The following HPX variants were observed in gnomAD, a reference collection of about 807,000 sequenced individuals.
HPX encodes beta-1B-glycoprotein.
HPX carries 42 observed loss-of-function variants against 53.8 expected under a neutral mutation model. The observed-to-expected ratio is 0.78, with a 90% confidence interval of 0.61 to 1.01. The LOEUF is 1.01. Ranked by LOEUF, HPX falls within the 50% of genes least tolerant of loss-of-function variation. The pLI is 0.00. For missense variants in HPX, 547 were observed against 594.3 expected (o/e 0.92, Z 0.83); for synonymous variants, 229 against 221.1 (o/e 1.04, Z -0.32).
In HPX at chr11:6,440,213, A is replaced by G. The variant is rs368566605; in HGVS notation, c.288T>C (p.Pro96=). The G allele has an allele frequency of 6.2e-7, 1 of 1,614,104 alleles. No individual in the cohort carries two copies. The highest frequency in any genetic ancestry group is 8.5e-7 in the Non-Finnish European group (1 of 1,180,016). The change falls in exon 4 of 10, where the codon CCT becomes CCC. Residue 96 remains proline, a synonymous_variant. Transcript: ENST00000265983. ...ISERWKNFPS[P]VDAAFRQGHN... ...GACCTTGACGGAATGCAGCATCCACAGGGCTGGGGAAATTCTTCCATCTCT... is the reference window on the plus strand; with the variant it reads ...GACCTTGACGGAATGCAGCATCCACGGGGCTGGGGAAATTCTTCCATCTCT...
chr11:6,439,660 C>A (rs535920745), intron 4 of HPX: 23 of 183,574 alleles, frequency 1.3e-4, no homozygotes, highest in Non-Finnish European at 2.7e-4. Flanking sequence ...GGAGGGAAAA[C>A]AAAGCCGACA....
intron 7 of HPX, among the ~76,000 whole-genome samples, chr11:6,436,761 G>A (rs184095442): frequency 4.6e-5 from 7 of 152,330 alleles, no homozygotes; most frequent in Admixed American, 3.9e-4. Flanking sequence ...AGGGCATTGA[G>A]CAAGGAGAAC....
At chr11:6,434,216 C>T (rs1211382273) in intron 7 of HPX, among the ~76,000 whole-genome samples, 1 of 152,178 alleles carries the variant, frequency 6.6e-6, no homozygotes, top group Non-Finnish European at 1.5e-5. Context: ...CTTGCTGCTA[C>T]CACAAGTTCT....
intron 4 of HPX, 125 bp downstream of exon 4, chr11:6,440,040 G>T: frequency 8.0e-7 from 1 of 1,242,368 alleles, no homozygotes; most frequent in Non-Finnish European, 1.2e-6. Flanking sequence ...CAGGAAAGGA[G>T]GGCACATGGG....
rs1849460744 is a variant in HPX at position 6,439,749 on chromosome 11, G to T, written c.336+416C>A. On this transcript the variant is annotated intron_variant, in intron 4 of 9. Coordinates refer to ENST00000265983, the MANE Select transcript of HPX (RefSeq NM_000613.3). Reference sequence around the variant, plus strand: ...CTTCCTCTGAGCAGACACAGCCTGGGTCACATGGGACTTGGTGAGCACAGC... The same window carrying T: ...CTTCCTCTGAGCAGACACAGCCTGGTTCACATGGGACTTGGTGAGCACAGC... The T allele has an allele frequency of 1.6e-5, 4 of 242,752 alleles. No homozygotes were observed. The South Asian group carries it at 1.9e-4, about 12-fold the overall frequency. 15.0% of individuals were successfully genotyped at this position (242,752 alleles called of 1,614,324 possible).
chr11:6,431,208 C>A lies in HPX; in HGVS notation c.*3G>T, dbSNP rs77660779. 4,124 of 1,614,040 alleles carry A rather than the reference C, an allele frequency of 2.6e-3. 95 individuals are homozygous for A. The African/African-American group carries it at 0.046, about 18-fold the overall frequency. Reference sequence around the variant, plus strand: ...CCAGGCCAGACTCATGTCAGAAGGCCCCTCAGTGAGTGCAGCCCAGGAGAC... The same window carrying A: ...CCAGGCCAGACTCATGTCAGAAGGCACCTCAGTGAGTGCAGCCCAGGAGAC... On this transcript the variant is annotated 3_prime_UTR_variant, in exon 10 of 10. Transcript: ENST00000265983.
rs770296804 is a variant in HPX at position 6,440,547 on chromosome 11, G to C, written c.143-9C>G. 20 of 1,322,714 alleles carry C rather than the reference G, an allele frequency of 1.5e-5. No homozygotes were observed. The African/African-American group carries it at 2.9e-4, about 19-fold the overall frequency. The allele number at this position is 1,322,714 out of a possible 1,614,324, so 81.9% of individuals were successfully genotyped here. A position where few individuals can be genotyped will look rare whatever the true frequency, so the allele number is the denominator to read the frequency against. On this transcript the variant is annotated splice_polypyrimidine_tract_variant and intron_variant, in intron 2 of 9. Coordinates refer to ENST00000265983, the MANE Select transcript of HPX (RefSeq NM_000613.3). ...GCCATCTGAGCAGCGTTCTGGGGTGGAGGTAGGGAGATGGCAAAGTAAAAA... is the reference window on the plus strand; with the variant it reads ...GCCATCTGAGCAGCGTTCTGGGGTGCAGGTAGGGAGATGGCAAAGTAAAAA...
rs12288759 is a variant in HPX at position 6,440,906 on chromosome 11, G to A, written c.58C>T (p.Leu20=). The A allele has an allele frequency of 6.2e-7, 1 of 1,613,130 alleles. No individual in the cohort carries two copies. The highest frequency in any genetic ancestry group is 2.2e-5 in the East Asian group (1 of 44,848). Residue 20 remains leucine, a synonymous_variant, in exon 1 of 10, where the codon CTG becomes TTG. Coordinates refer to ENST00000265983, the MANE Select transcript of HPX (RefSeq NM_000613.3). ...GGAGGAAGAGGGGTGGCAATGGCCA[G>A]AGACCAGCATAGGCTCCACAACCCC... The part of the protein sequence containing the change: ...ALGLWSLCWS[L]AIATPLPPTS...
intron 4 of HPX, chr11:6,439,847 T>A: frequency 5.2e-6 from 2 of 382,656 alleles, no homozygotes; most frequent in South Asian, 4.3e-5. Flanking sequence ...CCTTGCCCTA[T>A]GAAGAGGACT....
rs189353488 is a variant in HPX, at chr11:6,437,534, A to T, written c.609T>A (p.Gly203=). The T allele has an allele frequency of 6.2e-7, 1 of 1,614,146 alleles. No individual in the cohort carries two copies. Among genetic ancestry groups the T allele is most frequent in the East Asian group, 2.2e-5 (1 of 44,878 alleles). The change falls in exon 6 of 10, where the codon GGT becomes GGA. Residue 203 remains glycine (G), a synonymous_variant. Transcript: ENST00000265983. The part of the protein sequence containing the change: ...RWLGRYYCFQ[G]NQFLRFDPVR... ...CAGGGTCGAAGCGCAGGAATTGGTT[A>T]CCCTGGAAGCAGTAGTAGCGGCCCA...
chr11:6,438,198 C>T, intron 5 of HPX, 158 bp downstream of exon 5: 1 of 721,696 alleles, frequency 1.4e-6, no homozygotes, highest in Middle Eastern at 4.1e-4. Context: ...CTCCTTCCCT[C>T]ACGTGACCTC....
intron 7 of HPX, among the ~76,000 whole-genome samples, chr11:6,436,735 A>G (rs1849421905): frequency 6.6e-6 from 1 of 152,196 alleles, no homozygotes; most frequent in African/African-American, 2.4e-5. Context: ...AGCAAGGGAG[A>G]GCCAGAGGGC....
chr11:6,437,113 G>A lies in HPX; in HGVS notation c.768C>T (p.Arg256=). ...NSTHHGPEYM[R]CSPHLVLSAL... Reference sequence around the variant, plus strand: ...CAGACAAGACTAGATGTGGGCTACAGCGCATATACTCAGGGCCATGGTGGG... The same window carrying A: ...CAGACAAGACTAGATGTGGGCTACAACGCATATACTCAGGGCCATGGTGGG... Residue 256 remains arginine (R), a synonymous_variant, in exon 7 of 10, where the codon CGC becomes CGT. Transcript: ENST00000265983. 1 of 1,614,174 alleles carries A rather than the reference G, an allele frequency of 6.2e-7. No homozygotes were observed. The highest frequency in any genetic ancestry group is 1.1e-5 in the South Asian group (1 of 91,086).
At chr11:6,434,130 G>A (rs1590803839) in intron 7 of HPX, among the ~76,000 whole-genome samples, 2 of 152,078 alleles carry the variant, frequency 1.3e-5, no homozygotes, top group East Asian at 3.9e-4. Flanking sequence ...GTTGACTACT[G>A]TATCTCAGTG....
At chr11:6,438,760 CT>C (rs1399589324) in intron 4 of HPX, among the ~76,000 whole-genome samples, 2 of 152,220 alleles carry the variant, frequency 1.3e-5, no homozygotes, top group African/African-American at 4.8e-5. Flanking sequence ...GCACATTTAT[CT>C]GCAACACTAT....
rs1016417004 is a variant in HPX, at chr11:6,437,685, G to A, written c.491-33C>T. ...CAATCAATCAACAGGCATTTGGTGA[G>A]ACCGGGTTACGCCCTCCTTTGTGCT... On this transcript the variant is annotated intron_variant, in intron 5 of 9. Transcript: ENST00000265983. 3.2e-6 allele frequency: 5 copies of A among 1,576,884 alleles called. No homozygotes were observed. In the African/African-American group the frequency reaches 6.7e-5, roughly 21 times the overall value.
intron 4 of HPX, chr11:6,439,963 G>T (rs1290659464): frequency 1.5e-6 from 1 of 650,844 alleles, no homozygotes; most frequent in Non-Finnish European, 2.8e-6. Context: ...TAGGACTGAA[G>T]AACAGCCACT....
Position 6,440,456 on chromosome 11 carries a change from G to A in HPX, c.214+11C>T. 6.2e-7 allele frequency: 1 copy of A among 1,607,728 alleles called. No individual in the cohort carries two copies. Among genetic ancestry groups the A allele is most frequent in the Non-Finnish European group, 8.5e-7 (1 of 1,177,272 alleles). The stretch of plus-strand genomic sequence containing the variant: ...TAAGGTCCTAAACGCCCTAACCTCA[G>A]TCCCTCCTACCTTTAAAAAACAGCA... On this transcript the variant is annotated intron_variant, in intron 3 of 9. Transcript: ENST00000265983.
chr11:6,433,301 C>G (rs1849372832), intron 7 of HPX, among the ~76,000 whole-genome samples: 2 of 152,280 alleles, frequency 1.3e-5, no homozygotes, highest in South Asian at 4.1e-4. Context: ...CTCAGCCTCC[C>G]AAGTAGGCTG....
Sources: allele counts gnomAD v4.1 joint callset (sites outside exome capture counted in the v4.1 genomes callset), GRCh38; gene constraint gnomAD v4.1.1; transcripts MANE v1.5; gene names NCBI Gene and HGNC (gene_info 2026-07-23, HGNC 2026-07-21).